The following NBAS variants were observed in gnomAD, a reference collection of about 807,000 sequenced individuals.
NBAS encodes NBAS subunit of NRZ tethering complex, also known as NAG/BC035112 fusion.
A neutral mutation model predicts 302.5 loss-of-function variants in NBAS; 219 were observed. The ratio of observed to expected loss-of-function variants is 0.72; its 90% CI spans 0.65 to 0.81. The LOEUF (loss-of-function observed/expected upper bound fraction) is 0.81. NBAS is among the 30% of genes least tolerant of loss of function. The pLI is 0.00. For synonymous variants in NBAS, 1,118 were observed against 1,021.6 expected (o/e 1.09, Z -1.80); for missense variants, 2,932 against 2,841.6 (o/e 1.03, Z -0.72).
the NBAS span, among the ~76,000 whole-genome samples, chr2:14,875,051 G>T: frequency 6.6e-6 from 1 of 151,966 alleles, no homozygotes; most frequent in Non-Finnish European, 1.5e-5. Context: ...ATAACACTAA[G>T]TATACTTAAT....
chr2:15,099,302 G>A, the NBAS span, among the ~76,000 whole-genome samples: 9 of 151,708 alleles, frequency 5.9e-5, no homozygotes, highest in South Asian at 4.2e-4. Flanking sequence ...TCTCCTCCCC[G>A]CCGACCCCCA....
the NBAS span, among the ~76,000 whole-genome samples, chr2:15,072,878 C>G: frequency 6.6e-6 from 1 of 152,198 alleles, no homozygotes; most frequent in Non-Finnish European, 1.5e-5. Context: ...CCTGTAACCC[C>G]AACACTTTGA....
At chr2:14,966,753 C>T in the NBAS span, among the ~76,000 whole-genome samples, 2 of 152,136 alleles carry the variant, frequency 1.3e-5, no homozygotes, top group Non-Finnish European at 2.9e-5. Context: ...ACAGGGCTGT[C>T]CACTCTCGCC....
At chr2:15,165,840 CAAT>C (rs1282586055), downstream of NBAS, among the ~76,000 whole-genome samples, 5 of 152,232 alleles carry the variant, frequency 3.3e-5, no homozygotes, top group South Asian at 4.1e-4. Context: ...CTCCCTATAA[CAAT>C]GATGTAATAT....
intron 11 of NBAS, among the ~76,000 whole-genome samples, chr2:15,500,658 AG>A (rs34760481): frequency 0.58 from 87,659 of 151,322 alleles, 26,746 homozygotes; most frequent in Non-Finnish European, 0.68. Context: ...AAAAAAGGCC[AG>A]GTGCGGTGGC....
At chr2:15,290,363 G>A (rs1210362571) in intron 41 of NBAS, among the ~76,000 whole-genome samples, 2 of 152,150 alleles carry the variant, frequency 1.3e-5, no homozygotes, top group African/African-American at 4.8e-5. Context: ...CTAAGTAACA[G>A]ATTGTACAGA....
chr2:15,075,060 A>T, the NBAS span, among the ~76,000 whole-genome samples: 1 of 152,222 alleles, frequency 6.6e-6, no homozygotes, highest in Non-Finnish European at 1.5e-5. Flanking sequence ...ACTTTAAGCA[A>T]TTTATTGTAT....
At chr2:15,169,151 A>G (rs978919891) in intron 51 of NBAS, among the ~76,000 whole-genome samples, 2 of 152,232 alleles carry the variant, frequency 1.3e-5, no homozygotes, top group South Asian at 2.1e-4. Context: ...ACTCCAGAAC[A>G]GAAGACCCTC....
At chr2:14,958,867 G>A in the NBAS span, among the ~76,000 whole-genome samples, 152,279 of 152,294 alleles carry the variant, frequency 1, 76,132 homozygotes, top group Middle Eastern at 1. Context: ...ATCACAAACC[G>A]GAGGATCTAG....
At chr2:14,965,813 T>A in the NBAS span, among the ~76,000 whole-genome samples, 1 of 152,174 alleles carries the variant, frequency 6.6e-6, no homozygotes, top group Non-Finnish European at 1.5e-5. Flanking sequence ...ACATATTTTT[T>A]AAAATAATAC....
At chr2:15,102,618 G>A in the NBAS span, among the ~76,000 whole-genome samples, 1 of 152,228 alleles carries the variant, frequency 6.6e-6, no homozygotes, top group South Asian at 2.1e-4. Context: ...TCACAGGTTT[G>A]ATTAAGACAA....
At chr2:15,413,480 A>G (rs1383307659) in intron 25 of NBAS, among the ~76,000 whole-genome samples, 1 of 152,232 alleles carries the variant, frequency 6.6e-6, no homozygotes, top group Non-Finnish European at 1.5e-5. Context: ...TTCATAGCAG[A>G]GAGAATCTTA....
chr2:15,161,672 A>T, the NBAS span, among the ~76,000 whole-genome samples: 2 of 152,216 alleles, frequency 1.3e-5, no homozygotes. Context: ...CTCTGCATCC[A>T]GATGGGGGAA....
chr2:14,988,736 A>T, the NBAS span, among the ~76,000 whole-genome samples: 1 of 152,212 alleles, frequency 6.6e-6, no homozygotes, highest in African/African-American at 2.4e-5. Context: ...ACAAATCTAA[A>T]ACAGAAAATC....
chr2:14,854,097 A>G, the NBAS span, among the ~76,000 whole-genome samples: 8 of 151,444 alleles, frequency 5.3e-5, no homozygotes, highest in Non-Finnish European at 1.0e-4. Context: ...ATAATAAAAA[A>G]AAGAAGAAAA....
chr2:14,977,283 GA>G, the NBAS span, among the ~76,000 whole-genome samples: 1 of 151,958 alleles, frequency 6.6e-6, no homozygotes, highest in African/African-American at 2.4e-5. Flanking sequence ...CTATGTTTAA[GA>G]ATTTAAAGAA....
At chr2:14,816,286 A>G in the NBAS span, among the ~76,000 whole-genome samples, 15 of 152,206 alleles carry the variant, frequency 9.9e-5, no homozygotes, top group Non-Finnish European at 1.6e-4. Flanking sequence ...CTGTCAGATT[A>G]GCAGCGGCAT....
At chr2:14,999,486 CTTG>C in the NBAS span, among the ~76,000 whole-genome samples, 1 of 152,092 alleles carries the variant, frequency 6.6e-6, no homozygotes, top group Non-Finnish European at 1.5e-5. Flanking sequence ...GGATTTCCCC[CTTG>C]TTGTTCTGGT....
chr2:14,945,670 A>C, the NBAS span, among the ~76,000 whole-genome samples: 1 of 152,188 alleles, frequency 6.6e-6, no homozygotes, highest in Non-Finnish European at 1.5e-5. Flanking sequence ...GCTCTTGACT[A>C]CAGAATGGAT....
Sources: gnomAD v4.1 joint callset for allele counts (sites outside exome capture counted in the v4.1 genomes callset) on GRCh38, gnomAD v4.1.1 for gene constraint, MANE v1.5 for transcripts, NCBI Gene and HGNC (gene_info 2026-07-23, HGNC 2026-07-21) for gene names.